ARL15: variants seen among roughly 807,000 people sequenced by gnomAD.
ARL15 encodes the protein ARF like GTPase 15.
A neutral mutation model predicts 25.2 loss-of-function variants in ARL15; 19 were observed. That is an observed-to-expected ratio of 0.75 (90% CI 0.53 to 1.10). The LOEUF (loss-of-function observed/expected upper bound fraction) is 1.10. Ranked by LOEUF, ARL15 falls within the 50% of genes least tolerant of loss-of-function variation. The probability of loss-of-function intolerance (pLI) is 0.00; values close to 1 mark genes in which losing one functional copy is unlikely to be tolerated. For synonymous variants in ARL15, 94 were observed against 86.8 expected, an observed-to-expected ratio of 1.08 and a Z score of -0.46; for missense variants, 220 against 246.0, an observed-to-expected ratio of 0.89 and a Z score of 0.71.
chr5:53,999,358 G>A (rs1452196413), intron 4 of ARL15, among the ~76,000 whole-genome samples: 2 of 152,142 alleles, frequency 1.3e-5, no homozygotes, highest in Non-Finnish European at 2.9e-5. Flanking sequence ...GGAGGCCGAG[G>A]CAGGTGGATC....
chr5:54,001,884 T>C (rs1748859766), intron 4 of ARL15, among the ~76,000 whole-genome samples: 2 of 152,242 alleles, frequency 1.3e-5, no homozygotes, highest in Non-Finnish European at 1.5e-5. Context: ...TTACACCTTG[T>C]ACTATTGCTA....
At chr5:54,128,760 C>T (rs1250749392) in intron 3 of ARL15, among the ~76,000 whole-genome samples, 1 of 142,854 alleles carries the variant, frequency 7.0e-6, no homozygotes, top group Non-Finnish European at 1.5e-5. Flanking sequence ...GACTGTAGTG[C>T]AATGGCGCAA....
At chr5:54,221,274 T>C (rs1756366625) in intron 1 of ARL15, among the ~76,000 whole-genome samples, 2 of 152,354 alleles carry the variant, frequency 1.3e-5, no homozygotes, top group South Asian at 4.1e-4. Flanking sequence ...GATTTTATGA[T>C]GACTTTGCTT....
At chr5:54,262,502 G>A (rs1289756784) in intron 1 of ARL15, among the ~76,000 whole-genome samples, 1 of 151,932 alleles carries the variant, frequency 6.6e-6, no homozygotes, top group Non-Finnish European at 1.5e-5. Context: ...CCTAAAAAAT[G>A]GATCAAACTC....
chr5:53,903,228 T>C (rs1307678641), intron 4 of ARL15, among the ~76,000 whole-genome samples: 1 of 152,196 alleles, frequency 6.6e-6, no homozygotes, highest in Non-Finnish European at 1.5e-5. Flanking sequence ...CCAAAAGCCA[T>C]TGACTGGGAT....
intron 1 of ARL15, chr5:54,282,162 C>T (rs190385268): frequency 5.6e-6 from 4 of 719,010 alleles, no homozygotes; most frequent in East Asian, 1.3e-4. Context: ...TATATTTATA[C>T]CCCCATCAGC....
At chr5:53,907,475 T>TATAC (rs1166759645) in intron 4 of ARL15, among the ~76,000 whole-genome samples, 2 of 29,740 alleles carry the variant, frequency 6.7e-5, no homozygotes, top group African/African-American at 3.0e-4. Context: ...TATATATATA[T>TATAC]ATATATATAT....
rs1754725568 is a variant in ARL15 at position 54,171,783 on chromosome 5, C to T, written c.193+1G>A. ...GGACAGAACCCCAGCACAGTACCCA[C>T]CTGTGGTCGACACGACGTTATCGGG... On this transcript the variant is annotated splice_donor_variant, in intron 2 of 4. Coordinates refer to ENST00000504924, the MANE Select transcript of ARL15 (RefSeq NM_019087.3). LOFTEE classifies it high-confidence loss of function. The T allele has an allele frequency of 6.2e-7, 1 of 1,611,534 alleles. No individual in the cohort carries two copies. The highest frequency in any genetic ancestry group is 8.5e-7 in the Non-Finnish European group (1 of 1,178,828).
intron 4 of ARL15, among the ~76,000 whole-genome samples, chr5:53,988,900 C>G (rs1664794): frequency 0.63 from 96,211 of 151,976 alleles, 30,939 homozygotes; most frequent in East Asian, 0.86. Flanking sequence ...GATAAATATG[C>G]AACATCTATT....
chr5:54,253,361 A>G (rs1312764825), intron 1 of ARL15, among the ~76,000 whole-genome samples: 2 of 152,136 alleles, frequency 1.3e-5, no homozygotes, highest in Admixed American at 1.3e-4. Context: ...ACAGGGCACC[A>G]AGAGCAGCCC....
chr5:54,102,043 C>T (rs192850424), intron 4 of ARL15, among the ~76,000 whole-genome samples: 2 of 146,614 alleles, frequency 1.4e-5, no homozygotes, highest in Admixed American at 1.4e-4. Flanking sequence ...GACAGAGTCT[C>T]ACTCTGTCAC....
Position 53,926,949 on chromosome 5 carries a change from TA to T in ARL15, c.463-40237del, listed in dbSNP as rs76965646. On this transcript the variant is annotated intron_variant, in intron 4 of 4. Coordinates refer to ENST00000504924, the MANE Select transcript of ARL15 (RefSeq NM_019087.3). ...CTTCAGTCACCAAGACCTTTTTTTT[TA>T]AAAAAAAAAAATAAAGTCCAAAAGC... Among the ~76,000 whole-genome samples, 70 of 136,070 alleles carry T rather than the reference TA, an allele frequency of 5.1e-4. 1 individual carries two copies. The highest frequency in any genetic ancestry group is 1.2e-3 in the South Asian group (5 of 4,258). The allele number at this position is 136,070 out of a possible 152,430, so 89.3% of individuals were successfully genotyped here. A position where few individuals can be genotyped will look rare whatever the true frequency, so the allele number is the denominator to read the frequency against.
chr5:54,196,123 C>A (rs1755541917), intron 1 of ARL15, among the ~76,000 whole-genome samples: 2 of 152,134 alleles, frequency 1.3e-5, no homozygotes, highest in Non-Finnish European at 2.9e-5. Flanking sequence ...TGGCTAAATA[C>A]ATGGTTAATT....
At chr5:54,054,617 C>T (rs1344335450) in intron 4 of ARL15, among the ~76,000 whole-genome samples, 1 of 152,180 alleles carries the variant, frequency 6.6e-6, no homozygotes, top group East Asian at 1.9e-4. Context: ...GGTGAAACCC[C>T]GTCTCTACTA....
intron 1 of ARL15, among the ~76,000 whole-genome samples, chr5:54,194,012 G>T (rs1461750098): frequency 6.6e-6 from 1 of 152,090 alleles, no homozygotes; most frequent in African/African-American, 2.4e-5. Context: ...TACAAGTTCT[G>T]TTGGATGTGG....
intron 3 of ARL15, among the ~76,000 whole-genome samples, chr5:54,117,141 A>G (rs140180009): frequency 6.6e-6 from 1 of 152,192 alleles, no homozygotes; most frequent in East Asian, 1.9e-4. Flanking sequence ...ACAAATTACA[A>G]TGAGGCCTGC....
At chr5:54,021,454 G>C (rs1223076983) in intron 4 of ARL15, among the ~76,000 whole-genome samples, 1 of 152,110 alleles carries the variant, frequency 6.6e-6, no homozygotes, top group East Asian at 1.9e-4. Flanking sequence ...ATAAACTTTA[G>C]AACTAAACAA....
At chr5:54,226,042 TG>T (rs1756508048) in intron 1 of ARL15, among the ~76,000 whole-genome samples, 1 of 152,060 alleles carries the variant, frequency 6.6e-6, no homozygotes, top group Non-Finnish European at 1.5e-5. Context: ...ATTGGGCTAA[TG>T]TGATTTCCTC....
chr5:54,012,524 T>C (rs1332034773), intron 4 of ARL15, among the ~76,000 whole-genome samples: 1 of 151,944 alleles, frequency 6.6e-6, no homozygotes, highest in Non-Finnish European at 1.5e-5. Flanking sequence ...AATATTTCTT[T>C]TCTTTTTTTT....
Sources: allele counts gnomAD v4.1 joint callset (sites outside exome capture counted in the v4.1 genomes callset), GRCh38; gene constraint gnomAD v4.1.1; transcripts MANE v1.5; gene names NCBI Gene and HGNC (gene_info 2026-07-23, HGNC 2026-07-21).